TADA2A: variants seen among roughly 807,000 people sequenced by gnomAD.
The protein encoded by TADA2A is transcriptional adaptor 2A, also known as transcriptional adapter 2-alpha.
Under a neutral mutation model 67.4 loss-of-function variants are expected in TADA2A, and 38 were observed. The ratio of observed to expected loss-of-function variants is 0.56; its 90% confidence interval spans 0.44 to 0.74. The LOEUF is 0.74. Among genes scored for constraint, TADA2A ranks in the 30% least tolerant of loss-of-function variants. TADA2A has a pLI of 0.00. For synonymous variants in TADA2A, 192 were observed against 181.6 expected, an observed-to-expected ratio of 1.06 and a Z score of -0.46; for missense variants, 454 against 547.0, an observed-to-expected ratio of 0.83 and a Z score of 1.70.
chr17:37,443,363 C>T (rs550965086), intron 7 of TADA2A, among the ~76,000 whole-genome samples: 1 of 151,958 alleles, frequency 6.6e-6, no homozygotes, highest in African/African-American at 2.4e-5. Context: ...AAGCGATTCT[C>T]CTGTCTCAGC....
At chr17:37,468,898 GCTT>G (rs765637273) in intron 12 of TADA2A, among the ~76,000 whole-genome samples, 3 of 151,512 alleles carry the variant, frequency 2.0e-5, no homozygotes, top group African/African-American at 4.9e-5. Context: ...GAAATAGTTG[GCTT>G]CTTTTTTTTT....
intron 4 of TADA2A, 100 bp from the exon 5 acceptor site, chr17:37,437,638 C>T (rs2052771567): frequency 4.9e-6 from 5 of 1,023,928 alleles, no homozygotes; most frequent in Non-Finnish European, 7.5e-6. Flanking sequence ...CCGCCCGCCT[C>T]CGCCTTCCAA....
intron 8 of TADA2A, among the ~76,000 whole-genome samples, chr17:37,451,170 G>C (rs1272490714): frequency 6.6e-6 from 1 of 151,894 alleles, no homozygotes; most frequent in Non-Finnish European, 1.5e-5. Flanking sequence ...TAGGACAACA[G>C]GCACACGCCA....
intron 8 of TADA2A, among the ~76,000 whole-genome samples, chr17:37,447,754 AG>A (rs1323283749): frequency 6.6e-6 from 1 of 152,242 alleles, no homozygotes; most frequent in Non-Finnish European, 1.5e-5. Flanking sequence ...GACCATGTCC[AG>A]GAGCATATTG....
chr17:37,414,515 A>G (rs1205245305), intron 2 of TADA2A, among the ~76,000 whole-genome samples: 1 of 152,194 alleles, frequency 6.6e-6, no homozygotes, highest in African/African-American at 2.4e-5. Context: ...TTCATCTACT[A>G]GAATATTTTT....
intron 14 of TADA2A, among the ~76,000 whole-genome samples, chr17:37,473,751 C>T (rs2053840073): frequency 2.0e-5 from 3 of 152,284 alleles, no homozygotes; most frequent in Admixed American, 6.5e-5. Flanking sequence ...TTGACCTCAG[C>T]CCCTGCTTTG....
At chr17:37,445,934 A>C (rs1364579810) in intron 8 of TADA2A, among the ~76,000 whole-genome samples, 2 of 152,092 alleles carry the variant, frequency 1.3e-5, no homozygotes, top group Non-Finnish European at 2.9e-5. Context: ...TATTGCATGG[A>C]CTGGTACACT....
intron 6 of TADA2A, among the ~76,000 whole-genome samples, chr17:37,442,328 T>C (rs1290871406): frequency 6.6e-6 from 1 of 151,346 alleles, no homozygotes; most frequent in East Asian, 1.9e-4. Context: ...AAAAAAGTCA[T>C]GATTTCCTTT....
At position 37,437,847 on chromosome 17, in the gene TADA2A, A is replaced by G; in HGVS notation, c.284+18A>G. 6.2e-7 allele frequency: 1 copy of G among 1,609,248 alleles called. No homozygotes were observed. Among genetic ancestry groups the G allele is most frequent in the Non-Finnish European group, 8.5e-7 (1 of 1,175,552 alleles). ...GGAAATTGGTAAGAGCTTGGTGTTA[A>G]GAGTTGTCCTGCCCTAGTGGACTCA... On this transcript the variant is annotated intron_variant, in intron 5 of 15. Transcript: ENST00000615182.
intron 8 of TADA2A, among the ~76,000 whole-genome samples, chr17:37,455,327 A>C (rs1020554953): frequency 1.0e-3 from 145 of 145,150 alleles, no homozygotes; most frequent in African/African-American, 3.3e-3. Context: ...AAAAAAAAAA[A>C]AAACCTGTGG....
rs1346370052 is a variant in TADA2A, at chr17:37,476,929, A to G, written c.1279A>G (p.Thr427Ala). 1 of 1,613,848 alleles carries G rather than the reference A, an allele frequency of 6.2e-7. No homozygotes were observed. The highest frequency in any genetic ancestry group is 1.3e-5 in the African/African-American group (1 of 74,902). The change falls in exon 16 of 16, where the codon ACC becomes GCC. Residue 427 changes from threonine to alanine, a missense_variant. Thr to Ala is a moderately conservative substitution (Grantham distance 58, BLOSUM62 0). Around this residue, in one of 2 missense-constraint regions of TADA2A, gnomAD observed 51 missense variants for 91.5 expected, o/e 0.56. Transcript: ENST00000615182. ...ACTCATCAAGATAGATGTGAACAAA[A>G]CCCGGAAAATCTATGATTTCCTCAT... ...RALIKIDVNK[T>A]RKIYDFLIRE...
chr17:37,435,626 C>T (rs375971230), intron 4 of TADA2A, among the ~76,000 whole-genome samples: 6 of 152,128 alleles, frequency 3.9e-5, no homozygotes, highest in South Asian at 4.2e-4. Flanking sequence ...CTTGCCCAGG[C>T]GGGAGAGCAG....
chr17:37,413,477 C>T (rs1033139218), intron 2 of TADA2A, among the ~76,000 whole-genome samples: 2 of 152,126 alleles, frequency 1.3e-5, no homozygotes, highest in African/African-American at 2.4e-5. Flanking sequence ...CCTTTTACTC[C>T]ATCTGCTTTG....
At chr17:37,456,205 A>T (rs2053387293) in intron 8 of TADA2A, among the ~76,000 whole-genome samples, 2 of 152,326 alleles carry the variant, frequency 1.3e-5, no homozygotes, top group South Asian at 4.1e-4. Context: ...ATCTCAAAAA[A>T]AGAAATGAGT....
chr17:37,418,101 G>C (rs558705336), intron 2 of TADA2A, among the ~76,000 whole-genome samples: 1 of 152,066 alleles, frequency 6.6e-6, no homozygotes. Context: ...ATAACTAAAC[G>C]TTCTGAACAA....
chr17:37,416,222 G>A (rs183167794), intron 2 of TADA2A, among the ~76,000 whole-genome samples: 120 of 151,192 alleles, frequency 7.9e-4, no homozygotes, highest in African/African-American at 2.8e-3. Context: ...GGGTTCAAGC[G>A]ATTCTCCTGC....
In TADA2A at chr17:37,412,538, C is replaced by G. The variant is rs183426050; in HGVS notation, c.25+1148C>G. Among the ~76,000 whole-genome samples, 287 of 152,224 alleles carry G rather than the reference C, an allele frequency of 1.9e-3. 6 individuals carry two copies. The highest frequency in any genetic ancestry group is 0.017 in the Admixed American group (265 of 15,286). ...CCATGGCTCACGCCTGTAATCCCAG[C>G]ACTTTGGGAGGTCGAGGTGGGTGGA... On this transcript the variant is annotated intron_variant, in intron 2 of 15. Coordinates refer to ENST00000615182, the MANE Select transcript of TADA2A (RefSeq NM_001166105.3).
rs1355057608 is a variant in TADA2A at position 37,472,011 on chromosome 17, TGGG to T, written c.1072+877_1072+879del. Among the ~76,000 whole-genome samples, 6 of 152,090 alleles carry T rather than the reference TGGG, an allele frequency of 3.9e-5. No homozygotes were observed. The East Asian group carries it at 9.7e-4, about 25-fold the overall frequency. ...TGATTGGTAATCGATGACTGGGAAT[TGGG>T]GGAGGTATGTCTCAGTAGATTCAGA... On this transcript the variant is annotated intron_variant, in intron 14 of 15. Coordinates refer to ENST00000615182, the MANE Select transcript of TADA2A (RefSeq NM_001166105.3).
At chr17:37,443,112 T>C (rs1273804861) in intron 7 of TADA2A, among the ~76,000 whole-genome samples, 1 of 152,022 alleles carries the variant, frequency 6.6e-6, no homozygotes, top group Admixed American at 6.6e-5. Context: ...TAGCGAGTGG[T>C]GATCATTCCA....
Sources: allele counts gnomAD v4.1 joint callset (sites outside exome capture counted in the v4.1 genomes callset), GRCh38; gene constraint gnomAD v4.1.1; regional missense constraint gnomAD v4.1.1; transcripts MANE v1.5; gene names NCBI Gene and HGNC (gene_info 2026-07-23, HGNC 2026-07-21).